The following ACTR8 variants were observed in gnomAD, a reference collection of about 807,000 sequenced individuals.
ACTR8 encodes actin related protein 8.
ACTR8 carries 70 observed loss-of-function variants against 84.3 expected under a neutral mutation model. The ratio of observed to expected loss-of-function variants is 0.83; its 90% confidence interval spans 0.68 to 1.01. The LOEUF (loss-of-function observed/expected upper bound fraction) is 1.01, where lower values mean the gene tolerates loss of function less well. ACTR8 is among the 50% of genes least tolerant of loss of function. The pLI is 0.00. For synonymous variants in ACTR8, 268 were observed against 275.2 expected (o/e 0.97, Z 0.26); for missense variants, 672 against 775.4 (o/e 0.87, Z 1.58).
Position 53,876,724 on chromosome 3 carries a change from G to T in ACTR8, c.685-11C>A. 7.1e-7 allele frequency: 1 copy of T among 1,410,228 alleles called. No homozygotes were observed. The highest frequency in any genetic ancestry group is 1.5e-5 in the African/African-American group (1 of 68,840). 87.4% of individuals were successfully genotyped at this position (1,410,228 alleles called of 1,614,324 possible). A position where few individuals can be genotyped will look rare whatever the true frequency, so the allele number is the denominator to read the frequency against. ...GATACATCTATAATACTAAAAAGAA[G>T]AACAAAGATAAAAGGGTTAGCACTC... is the stretch of plus-strand genomic sequence containing the variant. On this transcript the variant is annotated splice_polypyrimidine_tract_variant and intron_variant, in intron 5 of 12. Coordinates refer to ENST00000335754, the MANE Select transcript of ACTR8 (RefSeq NM_022899.5).
chr3:53,872,444 G>A lies in ACTR8; in HGVS notation c.1242C>T (p.Gly414=), dbSNP rs200750107. The A allele has an allele frequency of 2.5e-5, 40 of 1,611,374 alleles. No homozygotes were observed. In the East Asian group the frequency reaches 3.1e-4, roughly 13 times the overall value. The change falls in exon 10 of 13, where the codon GGC becomes GGT. Residue 414 remains glycine, a synonymous_variant. Transcript: ENST00000335754. ...GTTCATCGTGAGGATCCTCAGGATC[G>A]CCCTGAGATCTGTGCTGCAAAGTCG... ...KMTTLQHRSQ[G]DPEDPHDEHY...
chr3:53,863,323 T>C (rs1260450680), downstream of ACTR8, among the ~76,000 whole-genome samples: 1 of 152,170 alleles, frequency 6.6e-6, no homozygotes, highest in African/African-American at 2.4e-5. Flanking sequence ...TCTAAGGGCT[T>C]TGCTAACTTC....
At chr3:53,881,748 T>A in intron 1 of ACTR8, 1 of 635,820 alleles carries the variant, frequency 1.6e-6, no homozygotes, top group Non-Finnish European at 2.7e-6. Context: ...GTGCGGGAGA[T>A]CGGAGCGGTG....
At chr3:53,872,952 C>T (rs968198234) in intron 9 of ACTR8, 80 bp downstream of exon 9, 1 of 1,135,802 alleles carries the variant, frequency 8.8e-7, no homozygotes, top group Non-Finnish European at 1.3e-6. Context: ...ACAATGTTTC[C>T]AGCAAGGGCA....
At position 53,876,079 on chromosome 3, in the gene ACTR8, C is replaced by T; in HGVS notation, c.780G>A (p.Gly260=). The change falls in exon 7 of 13, where the codon GGG becomes GGA. Residue 260 remains glycine (G), a splice_region_variant and synonymous_variant. Transcript: ENST00000335754. ...ACACAGACTCCTGATGGACCACAATCCCTGGGGGGGGAAAAGAAAAGGCAG... is the reference window on the plus strand; with the variant it reads ...ACACAGACTCCTGATGGACCACAATTCCTGGGGGGGGAAAAGAAAAGGCAG... ...NMILMKMGFS[G]IVVHQESVCA... The T allele has an allele frequency of 6.4e-7, 1 of 1,569,612 alleles. No homozygotes were observed. Among genetic ancestry groups the T allele is most frequent in the Non-Finnish European group, 8.6e-7 (1 of 1,167,874 alleles).
At chr3:53,880,180 A>C in intron 1 of ACTR8, 71 bp from the exon 2 acceptor site, 1 of 1,450,908 alleles carries the variant, frequency 6.9e-7, no homozygotes, top group Non-Finnish European at 9.5e-7. Flanking sequence ...CAACATACAC[A>C]TAACAAGCTA....
At chr3:53,872,555 A>G (rs528876229) in intron 9 of ACTR8, 31 bp from the exon 10 acceptor site, 2 of 1,543,150 alleles carry the variant, frequency 1.3e-6, no homozygotes, top group South Asian at 2.5e-5. Flanking sequence ...TGATCAACAA[A>G]AGATACTGCA....
intron 1 of ACTR8, 142 bp downstream of exon 1, chr3:53,881,837 A>G: frequency 1.5e-6 from 2 of 1,376,772 alleles, no homozygotes; most frequent in Admixed American, 4.5e-5. Flanking sequence ...CCACCCGGAA[A>G]AGAACGACCG....
At position 53,878,519 on chromosome 3, in the gene ACTR8, A is replaced by G. The variant is rs577944444; in HGVS notation, c.295-52T>C. On this transcript the variant is annotated intron_variant, in intron 2 of 12. Coordinates refer to ENST00000335754, the MANE Select transcript of ACTR8 (RefSeq NM_022899.5). The stretch of plus-strand genomic sequence containing the variant: ...TACAAAGGATTTAATGAGAAGACAA[A>G]GCAATTCAAAAACTACTAATTTAAT... The G allele has an allele frequency of 4.5e-6, 5 of 1,107,882 alleles. No homozygotes were observed. In the Admixed American group the frequency reaches 1.1e-4, roughly 24 times the overall value. The allele number at this position is 1,107,882 out of a possible 1,614,324, so 68.6% of individuals were successfully genotyped here.
chr3:53,869,558 T>G (rs985023879), intron 12 of ACTR8, among the ~76,000 whole-genome samples: 1 of 152,202 alleles, frequency 6.6e-6, no homozygotes, highest in Non-Finnish European at 1.5e-5. Flanking sequence ...CAAAATCTAT[T>G]TCTAAATTCC....
At chr3:53,878,610 T>C (rs967701176) in intron 2 of ACTR8, 143 bp from the exon 3 acceptor site, 7 of 619,428 alleles carry the variant, frequency 1.1e-5, no homozygotes, top group African/African-American at 1.9e-5. Context: ...CATGTACTGC[T>C]CTTAAGAATT....
chr3:53,863,220 A>G (rs1699630411), downstream of ACTR8, among the ~76,000 whole-genome samples: 1 of 152,214 alleles, frequency 6.6e-6, no homozygotes, highest in Non-Finnish European at 1.5e-5. Context: ...TTAGAAGTTA[A>G]GTTGTGGGAA....
At chr3:53,864,407 C>T (rs1193893327), downstream of ACTR8, among the ~76,000 whole-genome samples, 5 of 151,964 alleles carry the variant, frequency 3.3e-5, no homozygotes, top group East Asian at 1.9e-4. Flanking sequence ...TGGTGGCGGG[C>T]GCCTGTAGTC....
At chr3:53,865,521 A>G, downstream of ACTR8, 1 of 513,236 alleles carries the variant, frequency 1.9e-6, no homozygotes, top group Non-Finnish European at 3.4e-6. Context: ...TGTTTTATAC[A>G]TAGAAATCAA....
At chr3:53,872,658 C>T (rs1407150492) in intron 9 of ACTR8, 134 bp from the exon 10 acceptor site, 11 of 1,129,990 alleles carry the variant, frequency 9.7e-6, no homozygotes, top group Middle Eastern at 5.5e-4. Flanking sequence ...TGTTCTCTTT[C>T]GGGAGTGGCA....
downstream of ACTR8, among the ~76,000 whole-genome samples, chr3:53,863,016 T>C (rs1230536220): frequency 2.0e-5 from 3 of 152,316 alleles, no homozygotes; most frequent in South Asian, 2.1e-4. Flanking sequence ...AACAAGATGA[T>C]GACAAGAATA....
Position 53,871,381 on chromosome 3 carries a change from A to C in ACTR8, c.1418T>G (p.Leu473Trp), listed in dbSNP as rs774354335. 8.1e-6 allele frequency: 13 copies of C among 1,614,104 alleles called. No homozygotes were observed. The South Asian group carries it at 1.4e-4, about 18-fold the overall frequency. ...CAGGCCATCTCCCTGTGCAGACCCC[A>C]AATCTACCTCCTGGGAATGGAGTCT... is the stretch of plus-strand genomic sequence containing the variant. ...PERLHSQEVD[L>W]GSAQGDGLMA... The change falls in exon 11 of 13, where the codon TTG (leucine) becomes TGG (tryptophan). Residue 473 changes from leucine (L) to tryptophan (W), a missense_variant. By Grantham distance (61) the Leu-to-Trp change is moderately conservative (BLOSUM62 -2). Transcript: ENST00000335754.
rs3733082 is a variant in ACTR8, at chr3:53,880,066, G to A, written c.167C>T (p.Thr56Ile). The change falls in exon 2 of 13, where the codon ACA (threonine) becomes ATA (isoleucine). Residue 56 changes from threonine to isoleucine, a missense_variant. By Grantham distance (89) the Thr-to-Ile change is moderately conservative (BLOSUM62 -1). Coordinates refer to ENST00000335754, the MANE Select transcript of ACTR8 (RefSeq NM_022899.5). ...TGTGGCTCGACCAATCCTTAAAGTT[G>A]TTGAACCTGGATGTATGACAATGAT... ...NFIIVIHPGS[T>I]TLRIGRATDT... The A allele has an allele frequency of 0.046, 75,039 of 1,613,984 alleles. 3,937 individuals carry two copies. Among genetic ancestry groups the A allele is most frequent in the Admixed American group, 0.23 (14,025 of 60,000 alleles).
chr3:53,865,334 TA>T, downstream of ACTR8: 1 of 1,563,660 alleles, frequency 6.4e-7, no homozygotes, highest in South Asian at 1.1e-5. Flanking sequence ...CAAGAGACCT[TA>T]AAGGCTTCCT....
Sources: gnomAD v4.1 joint callset for allele counts (sites outside exome capture counted in the v4.1 genomes callset) on GRCh38, gnomAD v4.1.1 for gene constraint, MANE v1.5 for transcripts, NCBI Gene and HGNC (gene_info 2026-07-23, HGNC 2026-07-21) for gene names.